Variants in DIS3L2 observed in about 807,000 individuals in gnomAD.
DIS3L2 encodes the protein DIS3 like 3'-5' exoribonuclease 2, also known as DIS3-like exonuclease 2.
A neutral mutation model predicts 97.5 loss-of-function variants in DIS3L2; 34 were observed. The observed-to-expected ratio is 0.35, with a 90% CI of 0.27 to 0.46. The LOEUF is 0.46. Ranked by LOEUF, DIS3L2 falls within the 20% of genes least tolerant of loss-of-function variation. DIS3L2 has a pLI of 1.00. For synonymous variants in DIS3L2, 435 were observed against 445.2 expected (o/e 0.98, Z 0.29); for missense variants, 1,038 against 1,146.0 (o/e 0.91, Z 1.36).
intron 14 of DIS3L2, among the ~76,000 whole-genome samples, chr2:232,320,182 G>C (rs1221050261): frequency 3.3e-5 from 5 of 151,958 alleles, no homozygotes; most frequent in Non-Finnish European, 7.4e-5. Context: ...AATGTTCTGG[G>C]GGGGGTGGGG....
intron 6 of DIS3L2, among the ~76,000 whole-genome samples, chr2:232,112,303 C>T (rs760347010): frequency 3.9e-5 from 6 of 152,158 alleles, no homozygotes; most frequent in African/African-American, 9.7e-5. Context: ...GCAAACTTCA[C>T]GTAAGTGAGG....
intron 1 of DIS3L2, among the ~76,000 whole-genome samples, chr2:231,984,409 C>T (rs111275749): frequency 8.8e-5 from 11 of 124,492 alleles, no homozygotes; most frequent in Non-Finnish European, 1.5e-4. Flanking sequence ...TTTTTTGAGA[C>T]GGAGTCTGGC....
At chr2:232,012,929 C>G (rs912297155) in intron 1 of DIS3L2, among the ~76,000 whole-genome samples, 23 of 152,292 alleles carry the variant, frequency 1.5e-4, no homozygotes, top group Admixed American at 1.4e-3. Context: ...TGGCTAACTT[C>G]TCTCTCTCTT....
intron 5 of DIS3L2, among the ~76,000 whole-genome samples, chr2:232,085,327 C>T (rs971918479): frequency 6.6e-6 from 1 of 152,174 alleles, no homozygotes; most frequent in African/African-American, 2.4e-5. Flanking sequence ...GCACCTAGAA[C>T]AGTTTCTGGC....
intron 10 of DIS3L2, among the ~76,000 whole-genome samples, chr2:232,233,328 G>A (rs1418983398): frequency 6.6e-6 from 1 of 152,212 alleles, no homozygotes; most frequent in Admixed American, 6.5e-5. Flanking sequence ...TCATGGAACA[G>A]CACCTTCTCA....
At chr2:232,329,785 T>TCCCGGGGGGGC in intron 14 of DIS3L2, 28 bp from the exon 15 acceptor site, 111 of 967,102 alleles carry the variant, frequency 1.1e-4, no homozygotes, top group Non-Finnish European at 1.5e-4. Flanking sequence ...ACCCCAGCGG[T>TCCCGGGGGGGC]CCCTCCCATC....
chr2:232,245,948 T>C (rs1297631195), intron 11 of DIS3L2, among the ~76,000 whole-genome samples: 1 of 152,154 alleles, frequency 6.6e-6, no homozygotes, highest in East Asian at 1.9e-4. Context: ...GCAGTAAACA[T>C]AGAAAAAAAG....
At chr2:232,008,249 A>T (rs957065227) in intron 1 of DIS3L2, among the ~76,000 whole-genome samples, 2 of 150,698 alleles carry the variant, frequency 1.3e-5, no homozygotes, top group Non-Finnish European at 2.9e-5. Context: ...GCTGTTCTCA[A>T]ACTCCTGGGT....
chr2:231,995,623 G>C (rs1315858722), intron 1 of DIS3L2, among the ~76,000 whole-genome samples: 1 of 152,196 alleles, frequency 6.6e-6, no homozygotes, highest in Non-Finnish European at 1.5e-5. Flanking sequence ...ACTAACACCA[G>C]AAAGTGCTCC....
At chr2:232,338,160 C>T (rs527775000), downstream of DIS3L2, among the ~76,000 whole-genome samples, 1 of 152,184 alleles carries the variant, frequency 6.6e-6, no homozygotes, top group South Asian at 2.1e-4. Flanking sequence ...CAGGAAGGAC[C>T]AGGGCCCTTC....
intron 1 of DIS3L2, among the ~76,000 whole-genome samples, chr2:231,968,342 C>T (rs756762083): frequency 4.6e-5 from 7 of 152,146 alleles, no homozygotes; most frequent in South Asian, 2.1e-4. Context: ...GTGATCCGCC[C>T]GCCTCGGTCT....
chr2:232,059,302 GA>G (rs1695637063), intron 5 of DIS3L2, among the ~76,000 whole-genome samples: 1 of 152,114 alleles, frequency 6.6e-6, no homozygotes, highest in Non-Finnish European at 1.5e-5. Flanking sequence ...AAAACAATAT[GA>G]AATTTGTATT....
intron 6 of DIS3L2, among the ~76,000 whole-genome samples, chr2:232,114,076 G>A (rs187238153): frequency 6.6e-6 from 1 of 152,200 alleles, no homozygotes; most frequent in East Asian, 1.9e-4. Flanking sequence ...ATTTCCCTAT[G>A]GTTTCATCTC....
At chr2:232,054,290 G>C (rs1490042336) in intron 5 of DIS3L2, among the ~76,000 whole-genome samples, 4 of 152,190 alleles carry the variant, frequency 2.6e-5, no homozygotes, top group South Asian at 2.1e-4. Context: ...ATAGTGTACT[G>C]TCCTCATGGA....
At chr2:232,288,474 A>G (rs1052775240) in intron 13 of DIS3L2, among the ~76,000 whole-genome samples, 1 of 152,258 alleles carries the variant, frequency 6.6e-6, no homozygotes, top group Non-Finnish European at 1.5e-5. Flanking sequence ...AGAGGAACTC[A>G]GCTCTGTTTA....
intron 11 of DIS3L2, among the ~76,000 whole-genome samples, chr2:232,242,986 C>T (rs1343663980): frequency 6.6e-6 from 1 of 152,112 alleles, no homozygotes; most frequent in East Asian, 1.9e-4. Flanking sequence ...TGGTCTTGCC[C>T]TGGGGAAGCA....
At chr2:232,072,882 T>G (rs531864570) in intron 5 of DIS3L2, among the ~76,000 whole-genome samples, 1 of 151,318 alleles carries the variant, frequency 6.6e-6, no homozygotes, top group South Asian at 2.1e-4. Context: ...AATGATTGAT[T>G]GATAAGGACT....
chr2:232,037,682 C>A lies in DIS3L2; in HGVS notation c.366+7602C>A, dbSNP rs1694989081. 6.6e-6 allele frequency among the ~76,000 whole-genome samples: 1 copy of A among 152,196 alleles called. No individual in the cohort carries two copies. Among genetic ancestry groups the A allele is most frequent in the African/African-American group, 2.4e-5 (1 of 41,464 alleles). ...TTGTGGTATAGGCACCCGAGGGAAT[C>A]TCCTGGTCTGAGGGTTGTGAAGACT... On this transcript the variant is annotated intron_variant, in intron 5 of 20. Transcript: ENST00000325385. The surrounding 1 kb of genome is among the most constrained non-coding windows in gnomAD (Gnocchi z 4.6).
intron 10 of DIS3L2, among the ~76,000 whole-genome samples, chr2:232,237,845 G>C (rs1186163653): frequency 6.6e-6 from 1 of 152,090 alleles, no homozygotes; most frequent in African/African-American, 2.4e-5. Flanking sequence ...CCCAAGCATA[G>C]GAAAAAGTAT....
Sources: allele counts gnomAD v4.1 joint callset (sites outside exome capture counted in the v4.1 genomes callset), GRCh38; gene constraint gnomAD v4.1.1; non-coding constraint Gnocchi (gnomAD v3.1); transcripts MANE v1.5; gene names NCBI Gene and HGNC (gene_info 2026-07-23, HGNC 2026-07-21).